RBFOX1: variants seen among roughly 807,000 people sequenced by gnomAD.
The protein encoded by RBFOX1 is RNA binding protein fox-1 homolog 1.
RBFOX1 carries 8 observed loss-of-function variants against 57.7 expected under a neutral mutation model. That is an observed-to-expected ratio of 0.14 (90% CI 0.08 to 0.25). The LOEUF (loss-of-function observed/expected upper bound fraction) is 0.25, where lower values mean the gene tolerates loss of function less well. Among genes scored for constraint, RBFOX1 ranks in the 10% least tolerant of loss-of-function variants. The pLI, the probability that RBFOX1 is intolerant of heterozygous loss-of-function variation, is 1.00. For missense variants in RBFOX1, 611 were observed against 548.5 expected (o/e 1.11, Z -1.14); for synonymous variants, 326 against 222.4 (o/e 1.47, Z -4.15).
In RBFOX1 at chr16:5,701,908, T is replaced by C. The variant is rs142526838; in HGVS notation, c.318+102947T>C. 5.9e-5 allele frequency among the ~76,000 whole-genome samples: 9 copies of C among 152,356 alleles called. No homozygotes were observed. The East Asian group carries it at 1.7e-3, about 29-fold the overall frequency. ...AATTTATTTCTAGTAGAGGTTTTGC[T>C]AAATTCTTCCACACAGTATAAACTC... On this transcript the variant is annotated intron_variant, in intron 3 of 19. Coordinates refer to the RBFOX1 transcript ENST00000641259.
At chr16:5,945,749 T>G (rs2059388727) in intron 4 of RBFOX1, among the ~76,000 whole-genome samples, 1 of 152,208 alleles carries the variant, frequency 6.6e-6, no homozygotes, top group African/African-American at 2.4e-5. Context: ...CCCCTGACTT[T>G]GCCAGATATT....
chr16:6,740,655 T>C (rs1814039044), intron 3 of RBFOX1, among the ~76,000 whole-genome samples: 1 of 152,064 alleles, frequency 6.6e-6, no homozygotes, highest in South Asian at 2.1e-4. Context: ...AAAAGGGAAA[T>C]ATTTAGGTGT....
At chr16:7,179,135 G>C (rs2082212763) in intron 4 of RBFOX1, among the ~76,000 whole-genome samples, 1 of 152,018 alleles carries the variant, frequency 6.6e-6, no homozygotes, top group African/African-American at 2.4e-5. Flanking sequence ...GGCATCCGGA[G>C]GGGTTAATAT....
intron 3 of RBFOX1, among the ~76,000 whole-genome samples, chr16:6,887,932 G>T (rs2064495034): frequency 6.6e-6 from 1 of 152,098 alleles, no homozygotes; most frequent in African/African-American, 2.4e-5. Context: ...AAAGTGCTGG[G>T]ATTATAGGTG....
intron 4 of RBFOX1, among the ~76,000 whole-genome samples, chr16:7,473,342 C>T (rs1331729512): frequency 1.3e-5 from 2 of 150,994 alleles, no homozygotes; most frequent in East Asian, 1.9e-4. Context: ...CACACCACTG[C>T]ACTAGAACCT....
At chr16:7,349,252 G>A (rs1411180604) in intron 4 of RBFOX1, among the ~76,000 whole-genome samples, 1 of 152,096 alleles carries the variant, frequency 6.6e-6, no homozygotes, top group African/African-American at 2.4e-5. Context: ...TATCACAAGT[G>A]GAGACTGGGA....
At position 7,700,228 on chromosome 16, in the gene RBFOX1, G is replaced by A. The variant is rs952460921; in HGVS notation, c.996-8828G>A. 2.4e-4 allele frequency among the ~76,000 whole-genome samples: 37 copies of A among 152,214 alleles called. 1 individual carries two copies. Among genetic ancestry groups the A allele is most frequent in the Admixed American group, 2.2e-3 (34 of 15,300 alleles). Reference sequence around the variant, plus strand: ...CTGATCCCACATAAAATAGACGAGAGGCAATAGCTGCAGTCCTCTCAGTCT... The same window carrying A: ...CTGATCCCACATAAAATAGACGAGAAGCAATAGCTGCAGTCCTCTCAGTCT... On this transcript the variant is annotated intron_variant, in intron 14 of 15. Transcript: ENST00000550418.
At chr16:6,091,308 TA>T (rs1461840538) in intron 1 of RBFOX1, among the ~76,000 whole-genome samples, 1 of 152,176 alleles carries the variant, frequency 6.6e-6, no homozygotes, top group Non-Finnish European at 1.5e-5. Flanking sequence ...ATGAAGTCTT[TA>T]AAAGCTATTT....
chr16:6,538,761 T>A (rs1345294), intron 2 of RBFOX1, among the ~76,000 whole-genome samples: 1 of 152,286 alleles, frequency 6.6e-6, no homozygotes, highest in East Asian at 1.9e-4. Flanking sequence ...CTGTTGGTTG[T>A]TTTTTTTCAT....
At chr16:6,593,513 T>C (rs1001453139) in intron 2 of RBFOX1, among the ~76,000 whole-genome samples, 2 of 152,320 alleles carry the variant, frequency 1.3e-5, no homozygotes, top group East Asian at 3.9e-4. Context: ...AGCCTCAGGC[T>C]GACAATGGGA....
rs573150112 is a variant in RBFOX1 at position 5,972,426 on chromosome 16, C to G, written c.351+105091C>G. Among the ~76,000 whole-genome samples the G allele has an allele frequency of 2.0e-5, 3 of 152,320 alleles. No homozygotes were observed. The East Asian group carries it at 5.8e-4, about 29-fold the overall frequency. ...TCCCTCTGTTTTGAAAGAAACCTCT[C>G]ATTATGTGTCCAGTGCCTGAGAGTC... On this transcript the variant is annotated intron_variant, in intron 4 of 19. Coordinates refer to the RBFOX1 transcript ENST00000641259.
intron 3 of RBFOX1, among the ~76,000 whole-genome samples, chr16:6,798,172 C>G (rs111826447): frequency 6.6e-6 from 1 of 152,120 alleles, no homozygotes; most frequent in African/African-American, 2.4e-5. Context: ...CAGGGCGTTT[C>G]TAGTCTCTTC....
At position 7,339,463 on chromosome 16, in the gene RBFOX1, C is replaced by T. The variant is rs138292792; in HGVS notation, c.28-178684C>T. The stretch of plus-strand genomic sequence containing the variant: ...TTTATGTATTATTATTATTTTGTGA[C>T]GGAATCTTGCTCTGTAGCCCAGGCT... On this transcript the variant is annotated intron_variant, in intron 4 of 15. Coordinates refer to ENST00000550418, the MANE Select transcript of RBFOX1 (RefSeq NM_018723.4). 1.6e-3 allele frequency among the ~76,000 whole-genome samples: 238 copies of T among 152,194 alleles called. 3 individuals carry two copies. In the East Asian group the frequency reaches 0.019, roughly 12 times the overall value.
chr16:7,389,359 C>G (rs777468244), intron 4 of RBFOX1, among the ~76,000 whole-genome samples: 1 of 152,162 alleles, frequency 6.6e-6, no homozygotes, highest in African/African-American at 2.4e-5. Flanking sequence ...CCCCTGGGCT[C>G]AGGTAGTCCT....
At chr16:7,185,669 C>G (rs2083577271) in intron 4 of RBFOX1, among the ~76,000 whole-genome samples, 1 of 152,136 alleles carries the variant, frequency 6.6e-6, no homozygotes, top group Non-Finnish European at 1.5e-5. Flanking sequence ...GGAGATAGGC[C>G]TAGTTATGCG....
intron 4 of RBFOX1, among the ~76,000 whole-genome samples, chr16:5,884,654 T>G (rs979156867): frequency 1.3e-5 from 2 of 152,096 alleles, no homozygotes; most frequent in Non-Finnish European, 1.5e-5. Context: ...CATTCCATGT[T>G]GGAGTCGAAT....
At chr16:7,690,539 A>C (rs1476835349) in intron 14 of RBFOX1, among the ~76,000 whole-genome samples, 1 of 152,132 alleles carries the variant, frequency 6.6e-6, no homozygotes, top group East Asian at 1.9e-4. Flanking sequence ...TTGAAGTTTA[A>C]ATTCACGGGT....
intron 3 of RBFOX1, among the ~76,000 whole-genome samples, chr16:5,753,028 G>T (rs1454730057): frequency 6.6e-6 from 1 of 151,938 alleles, no homozygotes; most frequent in Admixed American, 6.6e-5. Context: ...CAGATGTGTG[G>T]CTACACTTGT....
chr16:5,312,974 T>C (rs746486942), intron 1 of RBFOX1, among the ~76,000 whole-genome samples: 2 of 152,214 alleles, frequency 1.3e-5, no homozygotes, highest in Admixed American at 6.5e-5. Context: ...ATTTGTTTAA[T>C]GATGCTTAGT....
Sources: gnomAD v4.1 joint callset for allele counts (sites outside exome capture counted in the v4.1 genomes callset) on GRCh38, gnomAD v4.1.1 for gene constraint, MANE v1.5 for transcripts, NCBI Gene and HGNC (gene_info 2026-07-23, HGNC 2026-07-21) for gene names.